GPC3: variants seen among roughly 807,000 people sequenced by gnomAD.
GPC3 encodes glypican 3.
In GPC3, 3 loss-of-function variants were observed where a neutral mutation model predicts 34.4. That is an observed-to-expected ratio of 0.09 (90% CI 0.04 to 0.23). The LOEUF (loss-of-function observed/expected upper bound fraction) is 0.23. GPC3 is among the 10% of genes least tolerant of loss of function. GPC3 has a pLI of 1.00. For synonymous variants in GPC3, 177 were observed against 174.0 expected, an observed-to-expected ratio of 1.02 and a Z score of -0.13; for missense variants, 351 against 445.6, an observed-to-expected ratio of 0.79 and a Z score of 1.91.
chrX:133,718,055 C>T lies in GPC3; in HGVS notation c.1033-18027G>A, dbSNP rs747781249. Among the ~76,000 whole-genome samples, 17 of 111,217 alleles carry T rather than the reference C, an allele frequency of 1.5e-4. No homozygotes were observed. In the East Asian group the frequency reaches 4.5e-3, roughly 30 times the overall value. On this transcript the variant is annotated intron_variant, in intron 3 of 7. Transcript: ENST00000370818. Reference sequence around the variant, plus strand: ...TGAGCCATGATTGTGCCACTGCCCTCCAGCCTGGGCAACAGAGTGAGACCC... The same window carrying T: ...TGAGCCATGATTGTGCCACTGCCCTTCAGCCTGGGCAACAGAGTGAGACCC...
At chrX:133,912,262 G>T (rs2076203842) in intron 2 of GPC3, among the ~76,000 whole-genome samples, 1 of 112,306 alleles carries the variant, frequency 8.9e-6, no homozygotes, top group Admixed American at 9.4e-5. Context: ...GAACTACACA[G>T]AACCTAGGGC....
chrX:133,541,544 AC>A (rs1227270321), intron 7 of GPC3, among the ~76,000 whole-genome samples: 1 of 112,397 alleles, frequency 8.9e-6, no homozygotes, highest in African/African-American at 3.2e-5. Flanking sequence ...AATCAGTTTA[AC>A]TATGCCCAAA....
chrX:133,834,305 T>A (rs2075789853), intron 2 of GPC3, among the ~76,000 whole-genome samples: 1 of 111,645 alleles, frequency 9.0e-6, no homozygotes, highest in South Asian at 3.8e-4. Context: ...GAGAAATGAA[T>A]AAGAGAGTAG....
chrX:133,572,629 A>G (rs2069644059), intron 7 of GPC3, among the ~76,000 whole-genome samples: 1 of 112,060 alleles, frequency 8.9e-6, no homozygotes, highest in African/African-American at 3.2e-5. Flanking sequence ...GAGATAAAAA[A>G]GGGACATTAC....
intron 2 of GPC3, among the ~76,000 whole-genome samples, chrX:133,861,339 G>A (rs1484717885): frequency 9.1e-6 from 1 of 110,306 alleles, no homozygotes; most frequent in African/African-American, 3.3e-5. Context: ...ACTGACTCAG[G>A]AGTATCTGGA....
chrX:133,575,675 T>A (rs2069672897), intron 7 of GPC3, among the ~76,000 whole-genome samples: 1 of 111,813 alleles, frequency 8.9e-6, no homozygotes, highest in Non-Finnish European at 1.9e-5. Context: ...CCAAACCAAC[T>A]GCTGCCCCAG....
intron 2 of GPC3, among the ~76,000 whole-genome samples, chrX:133,790,653 A>G (rs914242184): frequency 1.8e-5 from 2 of 111,535 alleles, no homozygotes; most frequent in African/African-American, 3.3e-5. Flanking sequence ...ACCCCTGTGC[A>G]GCCTACTGGT....
At chrX:133,687,282 T>TA (rs2071017278) in intron 5 of GPC3, among the ~76,000 whole-genome samples, 1 of 105,558 alleles carries the variant, frequency 9.5e-6, no homozygotes, top group African/African-American at 3.5e-5. Flanking sequence ...CTCTAGGTTG[T>TA]GAACTCCTTA....
chrX:133,929,099 C>G (rs772948428), intron 2 of GPC3, among the ~76,000 whole-genome samples: 1 of 112,029 alleles, frequency 8.9e-6, no homozygotes, highest in East Asian at 2.8e-4. Flanking sequence ...GGTCTTCATC[C>G]ATTTTAAGTT....
intron 2 of GPC3, among the ~76,000 whole-genome samples, chrX:133,885,749 T>C (rs1427086006): frequency 8.9e-6 from 1 of 112,165 alleles, no homozygotes; most frequent in Non-Finnish European, 1.9e-5. Context: ...TATGGGTTCA[T>C]GATTGCTACA....
intron 2 of GPC3, among the ~76,000 whole-genome samples, chrX:133,858,589 A>G (rs1350828341): frequency 9.0e-6 from 1 of 111,551 alleles, no homozygotes; most frequent in Non-Finnish European, 1.9e-5. Flanking sequence ...CACCTCCATC[A>G]CTGCTCCAAT....
chrX:133,703,465 T>G (rs2071183660), intron 3 of GPC3, among the ~76,000 whole-genome samples: 3 of 107,945 alleles, frequency 2.8e-5, no homozygotes, highest in South Asian at 4.2e-4. Flanking sequence ...AGGAAGTTTT[T>G]TTTTTTTTTT....
chrX:133,695,267 G>T (rs1198622538), intron 4 of GPC3, among the ~76,000 whole-genome samples: 1 of 112,045 alleles, frequency 8.9e-6, no homozygotes, highest in Non-Finnish European at 1.9e-5. Context: ...TCTCCACCTG[G>T]TTGGGGAATG....
chrX:133,540,915 GGTGT>G (rs369378252), intron 7 of GPC3, among the ~76,000 whole-genome samples: 13,312 of 91,474 alleles, frequency 0.15, 890 homozygotes, highest in Non-Finnish European at 0.18. Context: ...ACATTGTTGT[GGTGT>G]GTGTGTGTGT....
chrX:133,707,795 G>T (rs915691443), intron 3 of GPC3, among the ~76,000 whole-genome samples: 2 of 110,428 alleles, frequency 1.8e-5, no homozygotes. Context: ...TACCTCTTTT[G>T]GTTGCTGTAC....
chrX:133,666,538 T>C (rs1227335560), intron 5 of GPC3, among the ~76,000 whole-genome samples: 1 of 112,373 alleles, frequency 8.9e-6, no homozygotes, highest in Non-Finnish European at 1.9e-5. Flanking sequence ...TGGCACTATT[T>C]AAAAACTCTG....
At chrX:133,763,548 C>T (rs1344016915) in intron 2 of GPC3, 15 of 555,691 alleles carry the variant, frequency 2.7e-5, no homozygotes, top group Non-Finnish European at 4.2e-5. Flanking sequence ...GGTCTGAAGG[C>T]GTGCAGGTGC....
chrX:133,750,965 C>A (rs748995562), intron 3 of GPC3, among the ~76,000 whole-genome samples: 1 of 109,142 alleles, frequency 9.2e-6, no homozygotes, highest in Admixed American at 9.9e-5. Flanking sequence ...CCCAGCTTCT[C>A]GGGAGGCTGA....
At chrX:133,809,775 G>A (rs908678840) in intron 2 of GPC3, among the ~76,000 whole-genome samples, 1 of 111,853 alleles carries the variant, frequency 8.9e-6, no homozygotes, top group East Asian at 2.8e-4. Flanking sequence ...ATTAGGATCT[G>A]ACAGTATTTT....
Sources: allele counts gnomAD v4.1 joint callset (sites outside exome capture counted in the v4.1 genomes callset), GRCh38; gene constraint gnomAD v4.1.1; transcripts MANE v1.5; gene names NCBI Gene and HGNC (gene_info 2026-07-23, HGNC 2026-07-21).